TRIP6: variants seen among roughly 807,000 people sequenced by gnomAD.
The protein encoded by TRIP6 is thyroid receptor-interacting protein 6.
TRIP6 carries 33 observed loss-of-function variants against 51.9 expected under a neutral mutation model. The ratio of observed to expected loss-of-function variants is 0.64; its 90% CI spans 0.48 to 0.85. The LOEUF (loss-of-function observed/expected upper bound fraction) is 0.85. TRIP6 is among the 40% of genes least tolerant of loss of function. TRIP6 has a pLI of 0.00. For synonymous variants in TRIP6, 255 were observed against 275.8 expected, an observed-to-expected ratio of 0.92 and a Z score of 0.75; for missense variants, 661 against 652.1, an observed-to-expected ratio of 1.01 and a Z score of -0.15.
intron 4 of TRIP6, among the ~76,000 whole-genome samples, chr7:100,869,323 G>C (rs771599130): frequency 6.6e-6 from 1 of 151,498 alleles, no homozygotes; most frequent in Non-Finnish European, 1.5e-5. Context: ...AGGGCAGTGC[G>C]GGGGAGCAGG....
At chr7:100,868,357 C>T in intron 3 of TRIP6, 124 bp downstream of exon 3, 1 of 1,568,188 alleles carries the variant, frequency 6.4e-7, no homozygotes, top group Non-Finnish European at 8.7e-7. Context: ...CTGCAAGTAC[C>T]AACATGTCAG....
intron 2 of TRIP6, 54 bp from the exon 3 acceptor site, chr7:100,868,054 A>T: frequency 6.4e-7 from 1 of 1,571,736 alleles, no homozygotes; most frequent in Non-Finnish European, 8.6e-7. Flanking sequence ...GGGACCCAGG[A>T]CAGGAGAAGG....
intron 7 of TRIP6, 87 bp from the exon 8 acceptor site, chr7:100,872,537 C>T: frequency 6.3e-7 from 1 of 1,575,392 alleles, no homozygotes. Flanking sequence ...CTCTGATTCC[C>T]TCCTGTGCCC....
Position 100,868,592 on chromosome 7 carries a change from C to T in TRIP6, c.461C>T (p.Pro154Leu). The change falls in exon 4 of 9, where the codon CCA becomes CTA. Residue 154 changes from proline to leucine, a missense_variant. By Grantham distance (98) the Pro-to-Leu change is moderately conservative. Transcript: ENST00000200457. The part of the protein sequence containing the change: ...LPASPYGGPT[P>L]ASYTTASTPA... ...GCGTCTCCCTATGGGGGCCCCACTC[C>T]AGCCTCTTACACTACCGCCAGCACC... 2 of 1,613,042 alleles carry T rather than the reference C, an allele frequency of 1.2e-6. No individual in the cohort carries two copies. The highest frequency in any genetic ancestry group is 8.5e-7 in the Non-Finnish European group (1 of 1,180,004).
intron 4 of TRIP6, among the ~76,000 whole-genome samples, chr7:100,869,977 C>T (rs957528831): frequency 6.6e-6 from 1 of 151,808 alleles, no homozygotes; most frequent in Non-Finnish European, 1.5e-5. Context: ...AACAATTATA[C>T]AATTCACCAT....
Position 100,868,679 on chromosome 7 carries a change from C to T in TRIP6, c.548C>T (p.Pro183Leu), listed in dbSNP as rs1039741406. 6.2e-7 allele frequency: 1 copy of T among 1,604,042 alleles called. No homozygotes were observed. Among genetic ancestry groups the T allele is most frequent in the Non-Finnish European group, 8.5e-7 (1 of 1,175,010 alleles). The change falls in exon 4 of 9, where the codon CCA becomes CTA. Residue 183 changes from proline (P) to leucine (L), a missense_variant. Pro to Leu is a moderately conservative substitution (Grantham distance 98). Coordinates refer to ENST00000200457, the MANE Select transcript of TRIP6 (RefSeq NM_003302.3). ...KVAQPVRGCG[P>L]PRRGASQASG... ...GCACAGCCAGTGAGGGGCTGCGGCCCACCCAGGCGGGGAGCCTCTCAGGCC... is the reference window on the plus strand; with the variant it reads ...GCACAGCCAGTGAGGGGCTGCGGCCTACCCAGGCGGGGAGCCTCTCAGGCC...
rs114324402 is a variant in TRIP6 at position 100,873,334 on chromosome 7, G to A, written c.*31G>A. ...CCTAGAAGTACCTGCTGGGTTCTCA[G>A]TTCCAGTTCCCATCCTTTGATTGAT... On this transcript the variant is annotated 3_prime_UTR_variant, in exon 9 of 9. Coordinates refer to ENST00000200457, the MANE Select transcript of TRIP6 (RefSeq NM_003302.3). 2.0e-3 allele frequency: 3,192 copies of A among 1,579,704 alleles called. 53 individuals carry two copies. The African/African-American group carries it at 0.039, about 19-fold the overall frequency.
intron 3 of TRIP6, 97 bp downstream of exon 3, chr7:100,868,330 G>T (rs1170701839): frequency 6.4e-7 from 1 of 1,569,580 alleles, no homozygotes; most frequent in Non-Finnish European, 8.6e-7. Context: ...GTGCACCCCA[G>T]CATGGAGGAA....
At chr7:100,870,186 TG>T (rs1160263771) in intron 4 of TRIP6, among the ~76,000 whole-genome samples, 183 bp from the exon 5 acceptor site, 1 of 152,122 alleles carries the variant, frequency 6.6e-6, no homozygotes, top group Non-Finnish European at 1.5e-5. Context: ...TGACAGGAGG[TG>T]GAGCTCAGGC....
At chr7:100,869,926 G>T (rs970069888) in intron 4 of TRIP6, among the ~76,000 whole-genome samples, 1 of 150,412 alleles carries the variant, frequency 6.6e-6, no homozygotes. Flanking sequence ...TAATTGTTTC[G>T]GTATATATTA....
At chr7:100,872,852 CT>C (rs367565917) in intron 8 of TRIP6, 108 bp downstream of exon 8, 249,455 of 1,116,032 alleles carry the variant, frequency 0.22, 5 homozygotes, top group South Asian at 0.24. Context: ...TTGCTTCTTT[CT>C]TTTTTTTTTT....
chr7:100,867,429 C>T lies in TRIP6; in HGVS notation c.-69C>T, dbSNP rs975742111. The T allele has an allele frequency of 4.3e-6, 5 of 1,162,434 alleles. No individual in the cohort carries two copies. Among genetic ancestry groups the T allele is most frequent in the African/African-American group, 1.6e-5 (1 of 61,414 alleles). The allele number at this position is 1,162,434 out of a possible 1,614,324, so 72.0% of individuals were successfully genotyped here. A position where few individuals can be genotyped will look rare whatever the true frequency, so the allele number is the denominator to read the frequency against. The stretch of plus-strand genomic sequence containing the variant: ...CTGGAGTCCCAAACGAGGTGCGGGA[C>T]GGAAGAGGGGGTGAAGGCCAGAGGC... On this transcript the variant is annotated 5_prime_UTR_variant, in exon 1 of 9. The change creates a new upstream start codon in the 5' untranslated region. Transcript: ENST00000200457. This position sits in a 1 kb window ranked among gnomAD's most constrained non-coding sequence, Gnocchi z 5.4.
At chr7:100,870,810 A>T in intron 6 of TRIP6, 67 bp downstream of exon 6, 3 of 1,544,662 alleles carry the variant, frequency 1.9e-6, no homozygotes, top group Non-Finnish European at 2.6e-6. Flanking sequence ...CCAAGGTGGT[A>T]ACTAGAGCGT....
chr7:100,870,968 G>A, intron 6 of TRIP6: 1 of 693,298 alleles, frequency 1.4e-6, no homozygotes, highest in Non-Finnish European at 2.6e-6. Context: ...GCATCTTACA[G>A]TTAAAGAGAA....
In TRIP6 at chr7:100,868,800, C is replaced by A; in HGVS notation, c.669C>A (p.Ala223=). 1 of 1,524,698 alleles carries A rather than the reference C, an allele frequency of 6.6e-7. No homozygotes were observed. Among genetic ancestry groups the A allele is most frequent in the Non-Finnish European group, 8.8e-7 (1 of 1,140,754 alleles). 94.4% of individuals were successfully genotyped at this position (1,524,698 alleles called of 1,614,324 possible). A position where few individuals can be genotyped will look rare whatever the true frequency, so the allele number is the denominator to read the frequency against. ...YRSQREPGPG[A]KEEAAGVSGP... is the part of the protein sequence containing the mutation. Reference sequence around the variant, plus strand: ...GCCAGAGAGAGCCAGGGCCAGGGGCCAAAGAGGAAGCTGCTGGGGTCTCTG... The same window carrying A: ...GCCAGAGAGAGCCAGGGCCAGGGGCAAAAGAGGAAGCTGCTGGGGTCTCTG... The change falls in exon 4 of 9, where the codon GCC becomes GCA. Residue 223 remains alanine (A), a synonymous_variant. Transcript: ENST00000200457.
At position 100,867,974 on chromosome 7, in the gene TRIP6, C is replaced by CTCCA; in HGVS notation, c.224_227dup (p.Gln76HisfsTer50). The CTCCA allele has an allele frequency of 6.6e-7, 1 of 1,516,254 alleles. No homozygotes were observed. Among genetic ancestry groups the CTCCA allele is most frequent in the Non-Finnish European group, 8.8e-7 (1 of 1,134,466 alleles). The allele number at this position is 1,516,254 out of a possible 1,614,324, so 93.9% of individuals were successfully genotyped here. On this transcript the variant is annotated frameshift_variant, in exon 2 of 9. Coordinates refer to ENST00000200457, the MANE Select transcript of TRIP6 (RefSeq NM_003302.3). LOFTEE classifies it high-confidence loss of function. The surrounding 1 kb of genome is among the most constrained non-coding windows in gnomAD (Gnocchi z 5.4). ...GGCGTGGGTGGGGTCCCATGGAGTACTCCAGCACACGCAGGTGAGACCCGG... is the reference window on the plus strand; with the variant it reads ...GGCGTGGGTGGGGTCCCATGGAGTACTCCATCCAGCACACGCAGGTGAGACCCGG...
chr7:100,871,226 G>C (rs764643873), intron 6 of TRIP6: 51 of 470,144 alleles, frequency 1.1e-4, no homozygotes, highest in South Asian at 2.2e-4. Flanking sequence ...GTAGAGACAG[G>C]GTTTCGCCAT....
intron 7 of TRIP6, among the ~76,000 whole-genome samples, chr7:100,872,181 GTTTTTTTTTTT>G (rs34239953): frequency 1.0e-5 from 1 of 95,594 alleles, no homozygotes; most frequent in Non-Finnish European, 1.9e-5. Context: ...CGCCTGGCTA[GTTTTTTTTTTT>G]TTTTTTTTTT....
At chr7:100,872,967 C>T (rs1370091208) in intron 8 of TRIP6, 3 of 1,075,874 alleles carry the variant, frequency 2.8e-6, no homozygotes, top group Middle Eastern at 6.5e-4. Context: ...TCTCCTGCCT[C>T]AGCCTCCTGA....
Sources: gnomAD v4.1 joint callset for allele counts (sites outside exome capture counted in the v4.1 genomes callset) on GRCh38, gnomAD v4.1.1 for gene constraint, Gnocchi (gnomAD v3.1) non-coding constraint, MANE v1.5 for transcripts, NCBI Gene and HGNC (gene_info 2026-07-23, HGNC 2026-07-21) for gene names.